The following SOX6 variants were observed in gnomAD, a reference collection of about 807,000 sequenced individuals.
SOX6 encodes the protein transcription factor SOX-6.
Under a neutral mutation model 97.8 loss-of-function variants are expected in SOX6, and 11 were observed. The observed-to-expected ratio is 0.11, with a 90% confidence interval of 0.07 to 0.19. The LOEUF is 0.19. Ranked by LOEUF, SOX6 falls within the 10% of genes least tolerant of loss-of-function variation. The probability of loss-of-function intolerance (pLI) is 1.00; values close to 1 mark genes in which losing one functional copy is unlikely to be tolerated. For synonymous variants in SOX6, 360 were observed against 371.4 expected (o/e 0.97, Z 0.35); for missense variants, 810 against 1,039.5 (o/e 0.78, Z 3.04).
At chr11:16,159,291 G>C (rs534303199) in intron 6 of SOX6, among the ~76,000 whole-genome samples, 1 of 152,144 alleles carries the variant, frequency 6.6e-6, no homozygotes, top group East Asian at 1.9e-4. Context: ...GAACGCTAAA[G>C]ATCAGTTCAT....
chr11:16,163,782 A>C (rs531389844), intron 6 of SOX6, among the ~76,000 whole-genome samples: 1 of 152,344 alleles, frequency 6.6e-6, no homozygotes, highest in East Asian at 1.9e-4. Flanking sequence ...AGCAACCTGC[A>C]CTATCTTCCT....
chr11:16,017,360 T>C (rs576052055), intron 12 of SOX6, among the ~76,000 whole-genome samples: 7 of 152,154 alleles, frequency 4.6e-5, no homozygotes, highest in Non-Finnish European at 8.8e-5. Context: ...GAAACACTTG[T>C]TAAATAGGAA....
chr11:15,993,949 C>T (rs772948699), intron 13 of SOX6, among the ~76,000 whole-genome samples: 3 of 152,096 alleles, frequency 2.0e-5, no homozygotes, highest in Admixed American at 6.6e-5. Flanking sequence ...GTGCCTGGTG[C>T]ACATATAAAG....
At chr11:16,136,229 A>C (rs1176585225) in intron 6 of SOX6, among the ~76,000 whole-genome samples, 1 of 151,992 alleles carries the variant, frequency 6.6e-6, no homozygotes, top group East Asian at 1.9e-4. Flanking sequence ...CATGTTGGCC[A>C]GGATGGTCTC....
At chr11:16,459,772 T>C (rs917246970) in intron 1 of SOX6, among the ~76,000 whole-genome samples, 1 of 151,780 alleles carries the variant, frequency 6.6e-6, no homozygotes, top group Admixed American at 6.6e-5. Context: ...CAATCTAGAA[T>C]GAAACAAAAT....
chr11:16,379,381 G>C (rs559203594), intron 1 of SOX6, among the ~76,000 whole-genome samples: 16 of 151,892 alleles, frequency 1.1e-4, no homozygotes, highest in Admixed American at 8.5e-4. Context: ...CAAGAGAATC[G>C]ATTGAACCCG....
chr11:16,513,676 G>A (rs1860916070), intron 4 of SOX6, among the ~76,000 whole-genome samples: 1 of 151,988 alleles, frequency 6.6e-6, no homozygotes, highest in African/African-American at 2.4e-5. Flanking sequence ...ACGATGTAAG[G>A]GGAAGAATCA....
intron 1 of SOX6, among the ~76,000 whole-genome samples, chr11:16,371,945 G>C (rs368914726): frequency 4.0e-5 from 6 of 151,868 alleles, no homozygotes; most frequent in African/African-American, 1.5e-4. Flanking sequence ...ACAATGGCTG[G>C]GTCATAGATA....
chr11:16,516,787 C>G (rs1320529187), intron 4 of SOX6, among the ~76,000 whole-genome samples: 1 of 150,676 alleles, frequency 6.6e-6, no homozygotes, highest in Admixed American at 6.6e-5. Context: ...GAAACTATTC[C>G]AATCAATAGA....
intron 1 of SOX6, among the ~76,000 whole-genome samples, chr11:16,396,067 C>T (rs1283214031): frequency 3.3e-5 from 5 of 151,574 alleles, no homozygotes; most frequent in African/African-American, 7.3e-5. Flanking sequence ...CCCTCTTATA[C>T]GTTTTGTTTC....
At chr11:16,051,797 T>G (rs948519363) in intron 10 of SOX6, among the ~76,000 whole-genome samples, 1 of 152,128 alleles carries the variant, frequency 6.6e-6, no homozygotes, top group Non-Finnish European at 1.5e-5. Context: ...CTTCTTCAAA[T>G]ACAATTTTCT....
At chr11:16,722,224 A>T (rs995045420) in intron 2 of SOX6, among the ~76,000 whole-genome samples, 5 of 152,362 alleles carry the variant, frequency 3.3e-5, no homozygotes, top group Non-Finnish European at 7.3e-5. Context: ...TATCAATAGA[A>T]TAAGTAGACA....
chr11:16,369,243 C>G (rs2134389900), intron 1 of SOX6, among the ~76,000 whole-genome samples: 1 of 152,238 alleles, frequency 6.6e-6, no homozygotes, highest in South Asian at 2.1e-4. Flanking sequence ...GCCCCATCTA[C>G]AGCTAACTCC....
intron 4 of SOX6, among the ~76,000 whole-genome samples, chr11:16,492,345 C>A (rs1860526052): frequency 2.0e-5 from 3 of 152,178 alleles, no homozygotes; most frequent in Admixed American, 2.0e-4. Flanking sequence ...ACTGGCCTTG[C>A]TAGTATCTCA....
chr11:16,405,240 G>A (rs1270911254), intron 1 of SOX6, among the ~76,000 whole-genome samples: 1 of 151,958 alleles, frequency 6.6e-6, no homozygotes. Flanking sequence ...AGCCATTAAA[G>A]CTGCAAATTA....
chr11:16,649,611 C>T (rs536991509), intron 3 of SOX6, among the ~76,000 whole-genome samples: 16 of 152,118 alleles, frequency 1.1e-4, no homozygotes, highest in Admixed American at 4.6e-4. Context: ...TACAAGAAAT[C>T]CCAAAAGGAG....
At chr11:16,423,474 C>G (rs1859060818) in intron 1 of SOX6, among the ~76,000 whole-genome samples, 1 of 152,140 alleles carries the variant, frequency 6.6e-6, no homozygotes, top group Non-Finnish European at 1.5e-5. Flanking sequence ...TTCCTACCAT[C>G]TAGAATAGTG....
chr11:16,349,759 GGGAA>G lies in SOX6; in HGVS notation c.-5+6331_-5+6334del, dbSNP rs145904383. Among the ~76,000 whole-genome samples the G allele has an allele frequency of 3.5e-3, 386 of 111,010 alleles. 4 individuals carry two copies. The highest frequency in any genetic ancestry group is 9.2e-3 in the South Asian group (30 of 3,278). The allele number at this position is 111,010 out of a possible 152,430, so 72.8% of individuals were successfully genotyped here. ...AGGAAGGAAGGAAGGAAGGAAGGAA[GGGAA>G]GGAAGGGAAAGCAAGCAAGAAAGAA... On this transcript the variant is annotated intron_variant, in intron 1 of 15. Transcript: ENST00000683767.
intron 1 of SOX6, among the ~76,000 whole-genome samples, chr11:16,387,364 A>G (rs1858020759): frequency 6.6e-6 from 1 of 152,174 alleles, no homozygotes; most frequent in Non-Finnish European, 1.5e-5. Flanking sequence ...CTGCAAAGCA[A>G]AATCACAAAT....
Sources: gnomAD v4.1 joint callset for allele counts (sites outside exome capture counted in the v4.1 genomes callset) on GRCh38, gnomAD v4.1.1 for gene constraint, MANE v1.5 for transcripts, NCBI Gene and HGNC (gene_info 2026-07-23, HGNC 2026-07-21) for gene names.